The following TDRD7 variants were observed in gnomAD, a reference collection of about 807,000 sequenced individuals.
TDRD7 encodes the protein tudor domain-containing protein 7.
In TDRD7, 47 loss-of-function variants were observed where a neutral mutation model predicts 109.8. The ratio of observed to expected loss-of-function variants is 0.43; its 90% confidence interval spans 0.34 to 0.55. The LOEUF is 0.55. Among genes scored for constraint, TDRD7 ranks in the 20% least tolerant of loss-of-function variants. TDRD7 has a pLI of 0.03. For synonymous variants in TDRD7, 424 were observed against 457.3 expected (o/e 0.93, Z 0.93); for missense variants, 1,164 against 1,319.2 (o/e 0.88, Z 1.82).
Position 97,495,684 on chromosome 9 carries a change from C to T in TDRD7, c.3098C>T (p.Ser1033Phe). The T allele has an allele frequency of 6.2e-7, 1 of 1,614,164 alleles. No homozygotes were observed. The highest frequency in any genetic ancestry group is 1.7e-5 in the Admixed American group (1 of 60,028). Residue 1033 changes from serine to phenylalanine, a missense_variant, in exon 17 of 17, where the codon TCT becomes TTT. Transcript: ENST00000355295. ...CTAGGAGTGAAGTGCAACCAGTGGT[C>T]TGAGGAGGCTTCTATGGTGTTTCGA... ...QLAGVKCNQW[S>F]EEASMVFRNH...
Position 97,428,558 on chromosome 9 carries a change from CAG to C in TDRD7, c.95_96del (p.Arg32IlefsTer33). 1.2e-6 allele frequency: 2 copies of C among 1,613,854 alleles called. No individual in the cohort carries two copies. Among genetic ancestry groups the C allele is most frequent in the Non-Finnish European group, 1.7e-6 (2 of 1,179,886 alleles). On this transcript the variant is annotated frameshift_variant, in exon 2 of 17. Transcript: ENST00000355295. LOFTEE classifies it high-confidence loss of function. ...VALPRLQGEY[R>X]SLTGDWIPFK... Reference sequence around the variant, plus strand: ...CATTACCCCGGCTCCAAGGAGAGTACAGATCCTTGACTGGAGACTGGATCCCC... The same window carrying C: ...CATTACCCCGGCTCCAAGGAGAGTACATCCTTGACTGGAGACTGGATCCCC...
rs113786332 is a variant in TDRD7 at position 97,457,386 on chromosome 9, A to AT, written c.856-2782dup. ...CACACACACACACAAATATATATAT[A>AT]TTTTTTTTTTGAGACAGAGTCTCAA... On this transcript the variant is annotated intron_variant, in intron 6 of 16. Coordinates refer to ENST00000355295, the MANE Select transcript of TDRD7 (RefSeq NM_014290.3). Among the ~76,000 whole-genome samples the AT allele has an allele frequency of 9.3e-5, 14 of 150,674 alleles. No individual in the cohort carries two copies. The South Asian group carries it at 1.3e-3, about 14-fold the overall frequency.
intron 15 of TDRD7, among the ~76,000 whole-genome samples, chr9:97,484,931 A>G (rs1209904636): frequency 1.3e-5 from 2 of 152,016 alleles, no homozygotes; most frequent in Non-Finnish European, 2.9e-5. Context: ...GAGCCCTTGC[A>G]CTCCCCACTC....
chr9:97,453,508 T>C (rs1214868671), intron 6 of TDRD7, among the ~76,000 whole-genome samples: 1 of 152,022 alleles, frequency 6.6e-6, no homozygotes, highest in African/African-American at 2.4e-5. Flanking sequence ...AGTAGAAGGC[T>C]GGCATGACTC....
At chr9:97,421,851 G>A (rs774068466) in intron 1 of TDRD7, among the ~76,000 whole-genome samples, 35 of 151,902 alleles carry the variant, frequency 2.3e-4, no homozygotes, top group Non-Finnish European at 4.1e-4. Context: ...GTGAACCACC[G>A]TGCCCAGCCA....
chr9:97,453,245 T>C (rs939707171), intron 6 of TDRD7, among the ~76,000 whole-genome samples: 2 of 152,148 alleles, frequency 1.3e-5, no homozygotes, highest in African/African-American at 2.4e-5. Flanking sequence ...CAGGCTCATC[T>C]GGGTTTGGCT....
intron 16 of TDRD7, among the ~76,000 whole-genome samples, chr9:97,490,342 C>A (rs746620369): frequency 6.6e-6 from 1 of 152,046 alleles, no homozygotes; most frequent in African/African-American, 2.4e-5. Flanking sequence ...AGAACTTTAG[C>A]TGGTGGGTTT....
chr9:97,474,289 T>C (rs1243669777), intron 11 of TDRD7, among the ~76,000 whole-genome samples: 1 of 152,298 alleles, frequency 6.6e-6, no homozygotes, highest in East Asian at 1.9e-4. Context: ...TATGCTGTGG[T>C]TTCCAAATCA....
rs191733778 is a variant in TDRD7 at position 97,487,442 on chromosome 9, G to A, written c.3076+110G>A. On this transcript the variant is annotated intron_variant, in intron 16 of 16. Transcript: ENST00000355295. Reference sequence around the variant, plus strand: ...GGCCTCTTGAGTTTAGGTATGTTGGGTTTTTGTTTTTTTGTGCTAATAATA... The same window carrying A: ...GGCCTCTTGAGTTTAGGTATGTTGGATTTTTGTTTTTTTGTGCTAATAATA... 21 of 1,487,910 alleles carry A rather than the reference G, an allele frequency of 1.4e-5. No individual in the cohort carries two copies. The East Asian group carries it at 4.6e-4, about 32-fold the overall frequency. The allele number at this position is 1,487,910 out of a possible 1,614,324, so 92.2% of individuals were successfully genotyped here. A position where few individuals can be genotyped will look rare whatever the true frequency, so the allele number is the denominator to read the frequency against.
At chr9:97,433,197 T>C (rs963248148) in intron 4 of TDRD7, among the ~76,000 whole-genome samples, 2 of 152,150 alleles carry the variant, frequency 1.3e-5, no homozygotes, top group African/African-American at 4.8e-5. Flanking sequence ...CCCCAGATAC[T>C]AGAATATTTA....
chr9:97,494,807 C>T (rs956559768), intron 16 of TDRD7, among the ~76,000 whole-genome samples: 24 of 151,292 alleles, frequency 1.6e-4, no homozygotes, highest in African/African-American at 5.6e-4. Flanking sequence ...ACCTCCCAGG[C>T]TCAAGCGATC....
At position 97,468,691 on chromosome 9, in the gene TDRD7, G is replaced by A. The variant is rs140099663; in HGVS notation, c.1630-1867G>A. On this transcript the variant is annotated intron_variant, in intron 8 of 16. Transcript: ENST00000355295. Reference sequence around the variant, plus strand: ...GGAGAAACAGGAGATGTGGTCACCCGCTGAGGCTGGTGCCAGTTTGGCCTG... The same window carrying A: ...GGAGAAACAGGAGATGTGGTCACCCACTGAGGCTGGTGCCAGTTTGGCCTG... Among the ~76,000 whole-genome samples, 184 of 152,360 alleles carry A rather than the reference G, an allele frequency of 1.2e-3. 2 individuals carry two copies. In the East Asian group the frequency reaches 0.021, roughly 18 times the overall value.
At chr9:97,433,854 C>T (rs766511619) in intron 4 of TDRD7, among the ~76,000 whole-genome samples, 13 of 151,964 alleles carry the variant, frequency 8.6e-5, no homozygotes, top group South Asian at 2.1e-4. Context: ...ACTATCAAAA[C>T]GCAGAAAATA....
chr9:97,468,494 C>G (rs781052827), intron 8 of TDRD7, among the ~76,000 whole-genome samples: 1 of 152,204 alleles, frequency 6.6e-6, no homozygotes, highest in Non-Finnish European at 1.5e-5. Context: ...TTGTAGCAAT[C>G]CGGGCCTGAA....
At chr9:97,416,312 ATT>A (rs1319868190) in intron 1 of TDRD7, among the ~76,000 whole-genome samples, 1 of 152,222 alleles carries the variant, frequency 6.6e-6, no homozygotes. Context: ...GTATGAGGCC[ATT>A]TTTTGTAGCT....
intron 1 of TDRD7, among the ~76,000 whole-genome samples, chr9:97,415,402 A>G (rs1827795679): frequency 6.6e-6 from 1 of 152,258 alleles, no homozygotes; most frequent in Non-Finnish European, 1.5e-5. Flanking sequence ...TATCTGGGAT[A>G]CACCAAAACC....
At chr9:97,418,760 C>T (rs992314020) in intron 1 of TDRD7, among the ~76,000 whole-genome samples, 3 of 152,168 alleles carry the variant, frequency 2.0e-5, no homozygotes, top group African/African-American at 7.2e-5. Context: ...ACCTGAATCA[C>T]AGTGTTCTGT....
Position 97,473,560 on chromosome 9 carries a change from G to T in TDRD7, c.2013G>T (p.Val671=). The part of the protein sequence containing the change: ...ICSDGTLYCQ[V]PCKGLNKLSD... ...CTGATGGGACACTCTACTGCCAGGT[G>T]CCTTGTAAGGGTCTGAACAAGCTCA... is the stretch of plus-strand genomic sequence containing the variant. Residue 671 remains valine (V), a synonymous_variant, in exon 11 of 17, where the codon GTG becomes GTT. Coordinates refer to ENST00000355295, the MANE Select transcript of TDRD7 (RefSeq NM_014290.3). 6.2e-7 allele frequency: 1 copy of T among 1,613,842 alleles called. No homozygotes were observed. Among genetic ancestry groups the T allele is most frequent in the South Asian group, 1.1e-5 (1 of 91,082 alleles).
intron 1 of TDRD7, among the ~76,000 whole-genome samples, chr9:97,422,367 GC>G (rs1315144650): frequency 6.6e-6 from 1 of 152,172 alleles, no homozygotes; most frequent in East Asian, 1.9e-4. Flanking sequence ...CTGCACTCCA[GC>G]CTGGGCAACA....
Sources: allele counts gnomAD v4.1 joint callset (sites outside exome capture counted in the v4.1 genomes callset), GRCh38; gene constraint gnomAD v4.1.1; transcripts MANE v1.5; gene names NCBI Gene and HGNC (gene_info 2026-07-23, HGNC 2026-07-21).